CCDC122: variants seen among roughly 807,000 people sequenced by gnomAD.
CCDC122 encodes the protein coiled-coil domain containing 122.
In CCDC122, 38 loss-of-function variants were observed where a neutral mutation model predicts 37.0. That is an observed-to-expected ratio of 1.03 (90% CI 0.79 to 1.35). The LOEUF (loss-of-function observed/expected upper bound fraction) is 1.35, where lower values mean the gene tolerates loss of function less well. Ranked by LOEUF, CCDC122 falls within the 40% of genes most tolerant of loss-of-function variation. CCDC122 has a pLI of 0.00. For synonymous variants in CCDC122, 83 were observed against 95.6 expected (o/e 0.87, Z 0.77); for missense variants, 305 against 310.0 (o/e 0.98, Z 0.12).
intron 1 of CCDC122, among the ~76,000 whole-genome samples, chr13:43,875,654 A>T (rs572954546): frequency 6.6e-5 from 10 of 152,320 alleles, no homozygotes; most frequent in Admixed American, 4.6e-4. Flanking sequence ...ATCCTAGGAG[A>T]CAAACTATAA....
intron 2 of CCDC122, among the ~76,000 whole-genome samples, chr13:43,872,238 C>A (rs1326356681): frequency 6.6e-6 from 1 of 152,024 alleles, no homozygotes; most frequent in Non-Finnish European, 1.5e-5. Context: ...ATGTATTCTT[C>A]CCTCCTTACT....
intron 3 of CCDC122, among the ~76,000 whole-genome samples, chr13:43,827,085 CA>C (rs1953047812): frequency 6.6e-6 from 1 of 152,114 alleles, no homozygotes; most frequent in African/African-American, 2.4e-5. Context: ...GAACACTTTA[CA>C]TAATTTTTCA....
chr13:43,858,282 G>A (rs1345871337), intron 6 of CCDC122: 2 of 152,216 alleles, frequency 1.3e-5, no homozygotes, highest in Non-Finnish European at 2.9e-5. Flanking sequence ...TCCACAGGCA[G>A]CACCACAACA....
intron 4 of CCDC122, among the ~76,000 whole-genome samples, chr13:43,863,386 T>C (rs1594849415): frequency 6.6e-6 from 1 of 152,358 alleles, no homozygotes. Context: ...TATTCCGTTG[T>C]ATGGATATAC....
chr13:43,869,276 C>T, intron 3 of CCDC122, 55 bp downstream of exon 3: 1 of 1,366,578 alleles, frequency 7.3e-7, no homozygotes, highest in Non-Finnish European at 1.0e-6. Context: ...TGCCAGACTA[C>T]TTTTTTGTTG....
At chr13:43,867,071 G>A (rs1954295872) in intron 4 of CCDC122, among the ~76,000 whole-genome samples, 1 of 152,066 alleles carries the variant, frequency 6.6e-6, no homozygotes, top group South Asian at 2.1e-4. Flanking sequence ...TTATGTAGAT[G>A]TTCTTCCTTA....
chr13:43,868,754 C>A lies in CCDC122; in HGVS notation c.96G>T (p.Lys32Asn). 3.2e-6 allele frequency: 5 copies of A among 1,564,318 alleles called. No homozygotes were observed. The highest frequency in any genetic ancestry group is 1.2e-5 in the South Asian group (1 of 82,592). ...TCTCTGATGCTTGTGATTGTTGTTG[C>A]TTTGCAACTTTCTCTACAGCATCAG... The part of the protein sequence containing the change: ...SLADAVEKVA[K>N]QQQSQASEIE... The change falls in exon 4 of 7, where the codon AAG becomes AAT. Residue 32 changes from lysine to asparagine, a missense_variant. Coordinates refer to ENST00000444614, the MANE Select transcript of CCDC122 (RefSeq NM_144974.5).
rs1239718702 is a variant in CCDC122, at chr13:43,837,249, G to A, written c.*31C>T. 12 of 1,590,746 alleles carry A rather than the reference G, an allele frequency of 7.5e-6. No individual in the cohort carries two copies. Among genetic ancestry groups the A allele is most frequent in the Non-Finnish European group, 1.0e-5 (12 of 1,170,266 alleles). On this transcript the variant is annotated 3_prime_UTR_variant, in exon 7 of 7. Coordinates refer to ENST00000444614, the MANE Select transcript of CCDC122 (RefSeq NM_144974.5). ...TCTGTCCAGTAATTTTTGTTGTCATGGTCTGTGTTCCACATTGCCCTATGG... is the reference window on the plus strand; with the variant it reads ...TCTGTCCAGTAATTTTTGTTGTCATAGTCTGTGTTCCACATTGCCCTATGG...
chr13:43,835,316 G>T (rs368227271), downstream of CCDC122, among the ~76,000 whole-genome samples: 1 of 152,080 alleles, frequency 6.6e-6, no homozygotes, highest in African/African-American at 2.4e-5. Context: ...GTTGTGGGGT[G>T]GGGAGAGTGG....
At chr13:43,870,251 T>C (rs1954403122) in intron 2 of CCDC122, among the ~76,000 whole-genome samples, 1 of 152,102 alleles carries the variant, frequency 6.6e-6, no homozygotes, top group African/African-American at 2.4e-5. Context: ...TATAATTCTT[T>C]CCTGTCGCTT....
In CCDC122 at chr13:43,859,494, C is replaced by A. The variant is rs3088362; in HGVS notation, c.555+178G>T. Among the ~76,000 whole-genome samples, 23,208 of 151,684 alleles carry A rather than the reference C, an allele frequency of 0.15. 1,935 individuals carry two copies. The highest frequency in any genetic ancestry group is 0.25 in the East Asian group (1,267 of 5,164). ...CTTTATGCATTTGAGCATCTAGGGTCGTTGTTATATAACACATGTACTTAT... is the reference window on the plus strand; with the variant it reads ...CTTTATGCATTTGAGCATCTAGGGTAGTTGTTATATAACACATGTACTTAT... On this transcript the variant is annotated intron_variant, in intron 5 of 6. Coordinates refer to ENST00000444614, the MANE Select transcript of CCDC122 (RefSeq NM_144974.5).
chr13:43,870,336 C>T (rs1008034757), intron 2 of CCDC122, among the ~76,000 whole-genome samples: 3 of 152,088 alleles, frequency 2.0e-5, no homozygotes, highest in African/African-American at 7.2e-5. Flanking sequence ...CTATTCACTC[C>T]GTTCATGTTA....
At chr13:43,827,846 T>C (rs766340389) in intron 3 of CCDC122, among the ~76,000 whole-genome samples, 1 of 152,180 alleles carries the variant, frequency 6.6e-6, no homozygotes, top group African/African-American at 2.4e-5. Context: ...TTCAGCTTTA[T>C]TGTGGCTGTA....
At chr13:43,819,936 T>A (rs1015630849), downstream of CCDC122, among the ~76,000 whole-genome samples, 1 of 141,392 alleles carries the variant, frequency 7.1e-6, no homozygotes, top group Non-Finnish European at 1.5e-5. Context: ...TAGAATATCA[T>A]AAGGACAAAA....
At chr13:43,822,991 T>C (rs1953006644), downstream of CCDC122, among the ~76,000 whole-genome samples, 1 of 152,136 alleles carries the variant, frequency 6.6e-6, no homozygotes, top group Non-Finnish European at 1.5e-5. Flanking sequence ...TACTTCTCTC[T>C]CTGCTTTTCT....
At chr13:43,834,344 A>G (rs934081235), downstream of CCDC122, among the ~76,000 whole-genome samples, 1 of 152,216 alleles carries the variant, frequency 6.6e-6, no homozygotes, top group African/African-American at 2.4e-5. Context: ...TAGATCTAAA[A>G]CCATAAAAAC....
chr13:43,846,515 C>A (rs773905586), intron 6 of CCDC122, among the ~76,000 whole-genome samples: 4 of 152,164 alleles, frequency 2.6e-5, no homozygotes, highest in Non-Finnish European at 5.9e-5. Context: ...TCATCTTGAA[C>A]TTGTGAGACT....
chr13:43,826,260 A>G (rs1297380628), intron 3 of CCDC122, among the ~76,000 whole-genome samples: 1 of 152,176 alleles, frequency 6.6e-6, no homozygotes, highest in African/African-American at 2.4e-5. Context: ...GTTAATTCAG[A>G]TTCAAAGAAT....
At chr13:43,835,667 G>A (rs1021125762), downstream of CCDC122, among the ~76,000 whole-genome samples, 5 of 151,938 alleles carry the variant, frequency 3.3e-5, no homozygotes, top group African/African-American at 1.2e-4. Flanking sequence ...ATAACTCAAG[G>A]TGTTATCATT....
Sources: allele counts gnomAD v4.1 joint callset (sites outside exome capture counted in the v4.1 genomes callset), GRCh38; gene constraint gnomAD v4.1.1; transcripts MANE v1.5; gene names NCBI Gene and HGNC (gene_info 2026-07-23, HGNC 2026-07-21).